SKIC3: variants seen among roughly 807,000 people sequenced by gnomAD.
The protein encoded by SKIC3 is superkiller complex protein 3.
At chr5:95,484,553 C>T in the SKIC3 span, among the ~76,000 whole-genome samples, 2 of 151,926 alleles carry the variant, frequency 1.3e-5, no homozygotes, top group Non-Finnish European at 2.9e-5. Flanking sequence ...CGCTATGTTG[C>T]CTAGGCTCGT....
chr5:95,511,683 T>C, the SKIC3 span, among the ~76,000 whole-genome samples: 1 of 152,226 alleles, frequency 6.6e-6, no homozygotes, highest in Non-Finnish European at 1.5e-5. Flanking sequence ...AACTCCTTGC[T>C]TCTTTATTAG....
the SKIC3 span, among the ~76,000 whole-genome samples, chr5:95,505,798 G>A: frequency 4.0e-5 from 6 of 150,280 alleles, no homozygotes; most frequent in South Asian, 2.1e-4. Context: ...GGGCAACAGC[G>A]CGAGACTCTG....
At chr5:95,503,696 G>T in the SKIC3 span, 1 of 1,462,972 alleles carries the variant, frequency 6.8e-7, no homozygotes, top group Non-Finnish European at 9.5e-7. Flanking sequence ...CTCCTAGTCA[G>T]ATTTTAATAA....
the SKIC3 span, chr5:95,503,955 A>T: frequency 6.2e-7 from 1 of 1,613,514 alleles, no homozygotes; most frequent in East Asian, 2.2e-5. Flanking sequence ...AGTAAAGCAC[A>T]ACTTACTTTT....
chr5:95,514,855 T>A, the SKIC3 span: 70 of 1,611,824 alleles, frequency 4.3e-5, no homozygotes, highest in Non-Finnish European at 5.7e-5. Flanking sequence ...TATTTCTTAC[T>A]TGTCCAATCC....
chr5:95,543,432 TAAC>T, the SKIC3 span: 2 of 1,285,756 alleles, frequency 1.6e-6, no homozygotes, highest in Non-Finnish European at 2.2e-6. Context: ...ATCTACCACT[TAAC>T]AGGGCAAACT....
chr5:95,488,107 C>T, the SKIC3 span, among the ~76,000 whole-genome samples: 1 of 151,910 alleles, frequency 6.6e-6, no homozygotes, highest in African/African-American at 2.4e-5. Flanking sequence ...AACTTGAAGA[C>T]AGATCTTTTC....
chr5:95,513,528 T>C, the SKIC3 span: 48 of 1,589,508 alleles, frequency 3.0e-5, no homozygotes, highest in Non-Finnish European at 4.1e-5. Flanking sequence ...GGATAACACT[T>C]TTCTCATTAA....
the SKIC3 span, among the ~76,000 whole-genome samples, chr5:95,534,282 G>A: frequency 2.0e-5 from 3 of 150,646 alleles, no homozygotes; most frequent in East Asian, 5.9e-4. Context: ...ATCCTCCTCA[G>A]CCTCAGTGCA....
At chr5:95,523,397 C>T in the SKIC3 span, 10 of 1,470,300 alleles carry the variant, frequency 6.8e-6, no homozygotes, top group Non-Finnish European at 9.3e-6. Context: ...ATGTAAAGTA[C>T]ACAAACATAT....
At chr5:95,468,101 CTGAT>C in the SKIC3 span, 1 of 1,369,118 alleles carries the variant, frequency 7.3e-7, no homozygotes, top group Non-Finnish European at 1.0e-6. Context: ...GATGTAGTGT[CTGAT>C]TATGATTTTT....
At chr5:95,530,882 T>C in the SKIC3 span, among the ~76,000 whole-genome samples, 1 of 152,184 alleles carries the variant, frequency 6.6e-6, no homozygotes, top group African/African-American at 2.4e-5. Flanking sequence ...TTTTGTAATA[T>C]TTCCATTTTC....
chr5:95,517,255 A>C, the SKIC3 span: 13 of 1,613,384 alleles, frequency 8.1e-6, no homozygotes, highest in Non-Finnish European at 1.0e-5. Context: ...GCGACAGCAT[A>C]CAGACAGGTA....
chr5:95,531,869 T>C, the SKIC3 span, among the ~76,000 whole-genome samples: 1 of 152,160 alleles, frequency 6.6e-6, no homozygotes, highest in Non-Finnish European at 1.5e-5. Context: ...CAGACCAGCA[T>C]GGCATCTGAT....
At chr5:95,473,574 C>T in the SKIC3 span, among the ~76,000 whole-genome samples, 1 of 152,128 alleles carries the variant, frequency 6.6e-6, no homozygotes, top group African/African-American at 2.4e-5. Flanking sequence ...CCACATCCAG[C>T]CTGTTATTTT....
At chr5:95,466,464 C>T in the SKIC3 span, among the ~76,000 whole-genome samples, 7 of 152,146 alleles carry the variant, frequency 4.6e-5, no homozygotes, top group African/African-American at 1.7e-4. Flanking sequence ...TAGGACAGTA[C>T]CCACCCTCAA....
At chr5:95,489,519 T>C in the SKIC3 span, among the ~76,000 whole-genome samples, 23 of 124,408 alleles carry the variant, frequency 1.8e-4, no homozygotes, top group African/African-American at 6.1e-4. Flanking sequence ...GGGCAACCAG[T>C]TAAAAAAAAA....
At chr5:95,470,224 C>T in the SKIC3 span, among the ~76,000 whole-genome samples, 8 of 152,042 alleles carry the variant, frequency 5.3e-5, no homozygotes, top group Non-Finnish European at 1.0e-4. Context: ...GTGATCCGCC[C>T]ACCTCGGCCT....
chr5:95,493,190 C>T, the SKIC3 span, among the ~76,000 whole-genome samples: 3 of 152,118 alleles, frequency 2.0e-5, no homozygotes, highest in Admixed American at 2.0e-4. Context: ...AGTGTACAGC[C>T]ACTACACATA....
Sources: allele counts gnomAD v4.1 joint callset (sites outside exome capture counted in the v4.1 genomes callset), GRCh38; gene constraint gnomAD v4.1.1; transcripts MANE v1.5; gene names NCBI Gene and HGNC (gene_info 2026-07-23, HGNC 2026-07-21).